Variants in LEPR observed in about 807,000 individuals in gnomAD.
LEPR encodes the protein leptin receptor, also known as OB receptor.
LEPR carries 56 observed loss-of-function variants against 114.7 expected under a neutral mutation model. The observed-to-expected ratio is 0.49, with a 90% CI of 0.39 to 0.61. The LOEUF is 0.61. Ranked by LOEUF, LEPR falls within the 20% of genes least tolerant of loss-of-function variation. The probability of loss-of-function intolerance (pLI) is 0.00; values close to 1 mark genes in which losing one functional copy is unlikely to be tolerated. For missense variants in LEPR, 1,202 were observed against 1,352.9 expected (o/e 0.89, Z 1.75); for synonymous variants, 443 against 461.4 (o/e 0.96, Z 0.51).
rs550009890 is a variant in LEPR, at chr1:65,447,649, C to T, written c.-21+22271C>T. 2.6e-5 allele frequency among the ~76,000 whole-genome samples: 4 copies of T among 151,886 alleles called. No homozygotes were observed. The South Asian group carries it at 8.3e-4, about 32-fold the overall frequency. ...CTGGGCTCAGGTGATCTTCCCACCTCAGCCCCTTGAGTACCTGGGACTACA... is the reference window on the plus strand; with the variant it reads ...CTGGGCTCAGGTGATCTTCCCACCTTAGCCCCTTGAGTACCTGGGACTACA... On this transcript the variant is annotated intron_variant, in intron 2 of 19. Coordinates refer to ENST00000349533, the MANE Select transcript of LEPR (RefSeq NM_002303.6).
intron 2 of LEPR, among the ~76,000 whole-genome samples, chr1:65,537,053 C>T (rs960030921): frequency 6.6e-6 from 1 of 152,090 alleles, no homozygotes; most frequent in Non-Finnish European, 1.5e-5. Flanking sequence ...ACCAGGCCAT[C>T]GGGAATTGTA....
intron 5 of LEPR, among the ~76,000 whole-genome samples, chr1:65,583,278 T>C (rs1368904141): frequency 6.6e-6 from 1 of 152,092 alleles, no homozygotes; most frequent in African/African-American, 2.4e-5. Flanking sequence ...AGCAGGAGCA[T>C]ACAGAAAAAC....
chr1:65,565,740 A>G (rs1653689637), intron 3 of LEPR, 135 bp downstream of exon 3: 1 of 1,200,922 alleles, frequency 8.3e-7, no homozygotes, highest in African/African-American at 1.5e-5. Context: ...GCTTATGATT[A>G]AAAATGCAAA....
chr1:65,512,155 C>G (rs1320755821), intron 2 of LEPR, among the ~76,000 whole-genome samples: 1 of 152,090 alleles, frequency 6.6e-6, no homozygotes, highest in African/African-American at 2.4e-5. Flanking sequence ...GCGAGGACAG[C>G]AAAGACCCAT....
At chr1:65,509,789 T>G (rs903761048) in intron 2 of LEPR, among the ~76,000 whole-genome samples, 1 of 152,206 alleles carries the variant, frequency 6.6e-6, no homozygotes, top group Non-Finnish European at 1.5e-5. Flanking sequence ...GACTTTACCT[T>G]AAGAAAAACA....
chr1:65,554,341 C>A (rs75326085), intron 2 of LEPR, among the ~76,000 whole-genome samples: 5,176 of 152,202 alleles, frequency 0.034, 139 homozygotes, highest in African/African-American at 0.065. Flanking sequence ...ATGCTGTGTC[C>A]CAGGGAGATG....
rs542948895 is a variant in LEPR at position 65,539,855 on chromosome 1, A to G, written c.-20-25691A>G. Among the ~76,000 whole-genome samples, 13 of 152,294 alleles carry G rather than the reference A, an allele frequency of 8.5e-5. 1 individual carries two copies. In the South Asian group the frequency reaches 1.7e-3, roughly 19 times the overall value. On this transcript the variant is annotated intron_variant, in intron 2 of 19. Transcript: ENST00000349533. Reference sequence around the variant, plus strand: ...CATTGAGGTTTCAGTCATAACATGCAGTATCCTGGTATGGTGCAGGGCTGT... The same window carrying G: ...CATTGAGGTTTCAGTCATAACATGCGGTATCCTGGTATGGTGCAGGGCTGT...
rs1385441904 is a variant in LEPR, at chr1:65,543,052, G to A, written c.-20-22494G>A. On this transcript the variant is annotated intron_variant, in intron 2 of 19. Coordinates refer to ENST00000349533, the MANE Select transcript of LEPR (RefSeq NM_002303.6). ...GAATTGTCATACTGTCTTCCACAAT[G>A]GTTGAACTAATTTACACTCCCACCA... Among the ~76,000 whole-genome samples, 5 of 152,064 alleles carry A rather than the reference G, an allele frequency of 3.3e-5. 1 individual carries two copies. Among genetic ancestry groups the A allele is most frequent in the African/African-American group, 1.2e-4 (5 of 41,352 alleles).
chr1:65,482,314 T>A (rs1234171298), intron 2 of LEPR, among the ~76,000 whole-genome samples: 1 of 152,184 alleles, frequency 6.6e-6, no homozygotes, highest in Non-Finnish European at 1.5e-5. Flanking sequence ...TTCAATGGGA[T>A]TAAAATATGT....
rs142357683 is a variant in LEPR at position 65,429,899 on chromosome 1, A to G, written c.-21+4521A>G. On this transcript the variant is annotated intron_variant, in intron 2 of 19. Coordinates refer to ENST00000349533, the MANE Select transcript of LEPR (RefSeq NM_002303.6). Reference sequence around the variant, plus strand: ...CTTATTCGTCCTGATTTTCCACGCCATCTCCCCCATCCCCCATTTCATTGC... The same window carrying G: ...CTTATTCGTCCTGATTTTCCACGCCGTCTCCCCCATCCCCCATTTCATTGC... 2.6e-6 allele frequency: 4 copies of G among 1,522,022 alleles called. No homozygotes were observed. The African/African-American group carries it at 4.1e-5, about 16-fold the overall frequency. 94.3% of individuals were successfully genotyped at this position (1,522,022 alleles called of 1,614,324 possible).
chr1:65,529,513 C>G (rs1650229082), intron 2 of LEPR, among the ~76,000 whole-genome samples: 1 of 116,026 alleles, frequency 8.6e-6, no homozygotes, highest in African/African-American at 3.3e-5. Flanking sequence ...GAGTGAGACT[C>G]TGTCTCAAAA....
intron 2 of LEPR, among the ~76,000 whole-genome samples, chr1:65,542,187 T>A (rs943268517): frequency 5.3e-5 from 8 of 152,184 alleles, no homozygotes; most frequent in African/African-American, 1.9e-4. Flanking sequence ...ATGTATCATT[T>A]AGATCAGACT....
At position 65,570,457 on chromosome 1, in the gene LEPR, T is replaced by A. The variant is rs767153042; in HGVS notation, c.41-16T>A. The A allele has an allele frequency of 6.2e-7, 1 of 1,611,120 alleles. No individual in the cohort carries two copies. The highest frequency in any genetic ancestry group is 1.7e-5 in the Admixed American group (1 of 59,888). On this transcript the variant is annotated splice_polypyrimidine_tract_variant and intron_variant, in intron 3 of 19. Coordinates refer to ENST00000349533, the MANE Select transcript of LEPR (RefSeq NM_002303.6). Reference sequence around the variant, plus strand: ...ATGATTACTTTTTTCTATGTGTCTTTTTAATATCCTAACAGAATTTATTTA... The same window carrying A: ...ATGATTACTTTTTTCTATGTGTCTTATTAATATCCTAACAGAATTTATTTA...
intron 8 of LEPR, among the ~76,000 whole-genome samples, chr1:65,600,317 C>T (rs906267864): frequency 6.6e-6 from 1 of 152,032 alleles, no homozygotes; most frequent in African/African-American, 2.4e-5. Flanking sequence ...GGTCTGGCTC[C>T]TGTGCAGTAA....
chr1:65,420,778 G>C (rs1368224884), intron 1 of LEPR, 38 bp downstream of exon 1: 3 of 1,569,020 alleles, frequency 1.9e-6, no homozygotes, highest in Non-Finnish European at 2.6e-6. Flanking sequence ...CGTGTGGTGG[G>C]GTTGCCACCT....
At chr1:65,454,924 C>G (rs1162174683) in intron 2 of LEPR, among the ~76,000 whole-genome samples, 1 of 152,212 alleles carries the variant, frequency 6.6e-6, no homozygotes, top group Non-Finnish European at 1.5e-5. Context: ...GTACACCAAT[C>G]AGACGTAGAT....
At chr1:65,566,519 T>C (rs750682863) in intron 3 of LEPR, among the ~76,000 whole-genome samples, 12 of 152,206 alleles carry the variant, frequency 7.9e-5, no homozygotes, top group Non-Finnish European at 1.6e-4. Context: ...CCAATAACTT[T>C]TGAGCATACT....
At chr1:65,521,886 C>T (rs540852976) in intron 2 of LEPR, among the ~76,000 whole-genome samples, 60 of 152,018 alleles carry the variant, frequency 3.9e-4, no homozygotes, top group Non-Finnish European at 6.6e-4. Flanking sequence ...GATCAATTGA[C>T]GTCAGGAGTT....
At chr1:65,429,147 G>A (rs1646435695) in intron 2 of LEPR, among the ~76,000 whole-genome samples, 1 of 152,078 alleles carries the variant, frequency 6.6e-6, no homozygotes, top group Non-Finnish European at 1.5e-5. Context: ...GGTGACCTGG[G>A]GTACATTAGA....
Sources: allele counts gnomAD v4.1 joint callset (sites outside exome capture counted in the v4.1 genomes callset), GRCh38; gene constraint gnomAD v4.1.1; transcripts MANE v1.5; gene names NCBI Gene and HGNC (gene_info 2026-07-23, HGNC 2026-07-21).